PIEZO2: variants seen among roughly 807,000 people sequenced by gnomAD.
The protein encoded by PIEZO2 is piezo type mechanosensitive ion channel component 2, also known as piezo-type mechanosensitive ion channel component 2.
PIEZO2 carries 172 observed loss-of-function variants against 337.3 expected under a neutral mutation model. The observed-to-expected ratio is 0.51, with a 90% CI of 0.45 to 0.58. The LOEUF (loss-of-function observed/expected upper bound fraction) is 0.58. Among genes scored for constraint, PIEZO2 ranks in the 20% least tolerant of loss-of-function variants. The probability of loss-of-function intolerance (pLI) is 0.00; values close to 1 mark genes in which losing one functional copy is unlikely to be tolerated. For synonymous variants in PIEZO2, 1,251 were observed against 1,228.5 expected, an observed-to-expected ratio of 1.02 and a Z score of -0.38; for missense variants, 3,028 against 3,391.3, an observed-to-expected ratio of 0.89 and a Z score of 2.66.
At position 10,908,493 on chromosome 18, in the gene PIEZO2, C is replaced by G. The variant is rs1184571382; in HGVS notation, c.329+2693G>C. ...TGGAATTTCCCTTTAAGAGAAAGAACAGGTTAAACTTGAGAAGAAAAAAGA... is the reference window on the plus strand; with the variant it reads ...TGGAATTTCCCTTTAAGAGAAAGAAGAGGTTAAACTTGAGAAGAAAAAAGA... On this transcript the variant is annotated intron_variant, in intron 4 of 55. Coordinates refer to ENST00000674853, the MANE Select transcript of PIEZO2 (RefSeq NM_001378183.1). 3.9e-5 allele frequency: 6 copies of G among 152,122 alleles called. No homozygotes were observed. In the East Asian group the frequency reaches 7.7e-4, roughly 20 times the overall value. The allele number at this position is 152,122 out of a possible 1,614,324, so 9.4% of individuals were successfully genotyped here. A position where few individuals can be genotyped will look rare whatever the true frequency, so the allele number is the denominator to read the frequency against.
chr18:11,121,029 G>C (rs1488558535), intron 1 of PIEZO2, among the ~76,000 whole-genome samples: 1 of 152,124 alleles, frequency 6.6e-6, no homozygotes. Context: ...GAGGCAAGTG[G>C]ATCACTTGAG....
At chr18:10,989,965 A>T (rs1320378905) in intron 2 of PIEZO2, among the ~76,000 whole-genome samples, 1 of 152,178 alleles carries the variant, frequency 6.6e-6, no homozygotes, top group Non-Finnish European at 1.5e-5. Flanking sequence ...ATAAATTTTT[A>T]CAGCAGGACT....
intron 1 of PIEZO2, among the ~76,000 whole-genome samples, chr18:11,103,247 A>G (rs1166797151): frequency 1.3e-5 from 2 of 152,334 alleles, no homozygotes; most frequent in East Asian, 3.9e-4. Flanking sequence ...AACAACTTAT[A>G]CAATAATTTT....
chr18:10,726,819 GGAT>G lies in PIEZO2; in HGVS notation c.5029+4585_5029+4587del. 6.4e-7 allele frequency: 1 copy of G among 1,572,630 alleles called. No homozygotes were observed. Among genetic ancestry groups the G allele is most frequent in the East Asian group, 2.2e-5 (1 of 44,460 alleles). On this transcript the variant is annotated intron_variant, in intron 36 of 55. Transcript: ENST00000674853. This position sits in a 1 kb window ranked among gnomAD's most constrained non-coding sequence, Gnocchi z 5.9. ...ACCACCTGCGGCCCCATGGGGTGCT[GGAT>G]AATACCCGGATGCCCCACCTTATGC...
chr18:10,799,898 G>A (rs531006470), intron 11 of PIEZO2, among the ~76,000 whole-genome samples: 6 of 151,684 alleles, frequency 4.0e-5, no homozygotes, highest in South Asian at 4.2e-4. Context: ...GCGTGAACCC[G>A]GGAGGCAAAG....
rs937426198 is a variant in PIEZO2 at position 10,752,999 on chromosome 18, G to C, written c.3924-120C>G. On this transcript the variant is annotated intron_variant, in intron 27 of 55. Transcript: ENST00000674853. ...TCTGCTGCACCTTGCAAATCAGACT[G>C]TGAGCTTTCATTTAATCCTGCTATC... is the stretch of plus-strand genomic sequence containing the variant. 2.4e-6 allele frequency: 3 copies of C among 1,242,608 alleles called. No homozygotes were observed. The African/African-American group carries it at 4.6e-5, about 19-fold the overall frequency. 77.0% of individuals were successfully genotyped at this position (1,242,608 alleles called of 1,614,324 possible).
intron 1 of PIEZO2, among the ~76,000 whole-genome samples, chr18:11,130,736 A>G (rs2040317050): frequency 6.6e-6 from 1 of 152,210 alleles, no homozygotes; most frequent in Non-Finnish European, 1.5e-5. Context: ...AAGGTAAAGG[A>G]TAAGTTGCTG....
At chr18:10,800,920 G>T (rs2039790338) in intron 10 of PIEZO2, among the ~76,000 whole-genome samples, 1 of 152,244 alleles carries the variant, frequency 6.6e-6, no homozygotes, top group Admixed American at 6.5e-5. Context: ...ATGTGGCTCT[G>T]CACAGGACTA....
At chr18:10,971,534 C>T (rs1334126033) in intron 3 of PIEZO2, among the ~76,000 whole-genome samples, 1 of 152,068 alleles carries the variant, frequency 6.6e-6, no homozygotes, top group Non-Finnish European at 1.5e-5. Flanking sequence ...AACATATCCC[C>T]AATGATGAAT....
intron 2 of PIEZO2, among the ~76,000 whole-genome samples, chr18:10,992,411 G>A (rs1162622136): frequency 6.6e-6 from 1 of 152,146 alleles, no homozygotes; most frequent in East Asian, 1.9e-4. Flanking sequence ...TTTTGTACAA[G>A]GTGTAAGGAA....
intron 2 of PIEZO2, among the ~76,000 whole-genome samples, chr18:11,041,607 C>T (rs1176598131): frequency 6.6e-6 from 1 of 152,202 alleles, no homozygotes; most frequent in African/African-American, 2.4e-5. Flanking sequence ...TATCTCTCCA[C>T]ATCTGTGGTC....
intron 2 of PIEZO2, among the ~76,000 whole-genome samples, chr18:11,030,990 TTTG>T (rs35599650): frequency 1.3e-5 from 2 of 151,342 alleles, no homozygotes; most frequent in South Asian, 2.1e-4. Flanking sequence ...CTTCTGGAAT[TTTG>T]TTGTTGTTGT....
chr18:10,853,776 A>G lies in PIEZO2; in HGVS notation c.917+1577T>C, dbSNP rs1481373730. The stretch of plus-strand genomic sequence containing the variant: ...GTTAAGCCATTTTTAAGTTGCAGAC[A>G]TCAAGGCACAGCTTATCTAAATAAC... On this transcript the variant is annotated intron_variant, in intron 7 of 55. Coordinates refer to ENST00000674853, the MANE Select transcript of PIEZO2 (RefSeq NM_001378183.1). This position sits in a 1 kb window ranked among gnomAD's most constrained non-coding sequence, Gnocchi z 4.2. Among the ~76,000 whole-genome samples the G allele has an allele frequency of 6.6e-6, 1 of 152,236 alleles. No homozygotes were observed. The highest frequency in any genetic ancestry group is 2.4e-5 in the African/African-American group (1 of 41,464).
chr18:10,816,931 G>A (rs749123227), intron 7 of PIEZO2, among the ~76,000 whole-genome samples: 5 of 151,980 alleles, frequency 3.3e-5, no homozygotes, highest in African/African-American at 7.3e-5. Flanking sequence ...AGATACGTTG[G>A]GGCTCATCAA....
chr18:10,724,233 C>T lies in PIEZO2; in HGVS notation c.5030-5974G>A, dbSNP rs1020931199. ...TTTCCGCTGGACATGGTGGCTCATG[C>T]GTTTAATTCCAGCACTTTGGGAGGC... On this transcript the variant is annotated intron_variant, in intron 36 of 55. Transcript: ENST00000674853. The surrounding 1 kb of genome is among the most constrained non-coding windows in gnomAD (Gnocchi z 5.8). Among the ~76,000 whole-genome samples, 1 of 152,114 alleles carries T rather than the reference C, an allele frequency of 6.6e-6. No homozygotes were observed. Among genetic ancestry groups the T allele is most frequent in the African/African-American group, 2.4e-5 (1 of 41,416 alleles).
At chr18:10,882,821 T>C (rs2042459313) in intron 4 of PIEZO2, among the ~76,000 whole-genome samples, 1 of 149,712 alleles carries the variant, frequency 6.7e-6, no homozygotes, top group Non-Finnish European at 1.5e-5. Context: ...ATTGTGCATA[T>C]GTACCACATT....
chr18:10,844,066 A>C (rs1479263009), intron 7 of PIEZO2, among the ~76,000 whole-genome samples: 1 of 152,074 alleles, frequency 6.6e-6, no homozygotes, highest in Non-Finnish European at 1.5e-5. Flanking sequence ...AGTGTAGGTC[A>C]TAAGGGCACA....
chr18:10,836,511 C>G (rs2041018653), intron 7 of PIEZO2, among the ~76,000 whole-genome samples: 1 of 152,156 alleles, frequency 6.6e-6, no homozygotes, highest in African/African-American at 2.4e-5. Context: ...AACCAGATCA[C>G]TTGCAACTGT....
chr18:10,853,629 A>G lies in PIEZO2; in HGVS notation c.917+1724T>C, dbSNP rs2041618534. ...ATTATGAACCTTTCCTCATGCAAAGAAAAGTTCAAATAGGACAGTGGATAA... is the reference window on the plus strand; with the variant it reads ...ATTATGAACCTTTCCTCATGCAAAGGAAAGTTCAAATAGGACAGTGGATAA... On this transcript the variant is annotated intron_variant, in intron 7 of 55. Transcript: ENST00000674853. The surrounding 1 kb of genome is among the most constrained non-coding windows in gnomAD (Gnocchi z 4.2). Among the ~76,000 whole-genome samples, 2 of 152,210 alleles carry G rather than the reference A, an allele frequency of 1.3e-5. No individual in the cohort carries two copies. The highest frequency in any genetic ancestry group is 4.8e-5 in the African/African-American group (2 of 41,454).
Sources: gnomAD v4.1 joint callset for allele counts (sites outside exome capture counted in the v4.1 genomes callset) on GRCh38, gnomAD v4.1.1 for gene constraint, Gnocchi (gnomAD v3.1) non-coding constraint, MANE v1.5 for transcripts, NCBI Gene and HGNC (gene_info 2026-07-23, HGNC 2026-07-21) for gene names.